The following ZNF512 variants were observed in gnomAD, a reference collection of about 807,000 sequenced individuals.
The protein encoded by ZNF512 is zinc finger protein 512.
In ZNF512, 25 loss-of-function variants were observed where a neutral mutation model predicts 77.5. That is an observed-to-expected ratio of 0.32 (90% CI 0.23 to 0.45). The LOEUF (loss-of-function observed/expected upper bound fraction) is 0.45. Ranked by LOEUF, ZNF512 falls within the 20% of genes least tolerant of loss-of-function variation. The probability of loss-of-function intolerance (pLI) is 1.00; values close to 1 mark genes in which losing one functional copy is unlikely to be tolerated. For synonymous variants in ZNF512, 246 were observed against 239.9 expected (o/e 1.03, Z -0.24); for missense variants, 483 against 692.6 (o/e 0.70, Z 3.40).
intron 2 of ZNF512, among the ~76,000 whole-genome samples, chr2:27,597,305 A>G (rs964795364): frequency 1.3e-5 from 2 of 152,230 alleles, no homozygotes; most frequent in Admixed American, 6.5e-5. Flanking sequence ...TGAACCATAA[A>G]TCTAAAGTAG....
intron 9 of ZNF512, among the ~76,000 whole-genome samples, chr2:27,604,116 G>A (rs767982365): frequency 4.6e-5 from 7 of 151,730 alleles, no homozygotes; most frequent in Non-Finnish European, 7.4e-5. Flanking sequence ...TATTAGAGAC[G>A]GGGTTTCACC....
intron 3 of ZNF512, among the ~76,000 whole-genome samples, chr2:27,598,624 G>A (rs1671976888): frequency 7.0e-6 from 1 of 142,542 alleles, no homozygotes; most frequent in African/African-American, 2.6e-5. Context: ...GCGAGACTCC[G>A]TCTCAAAAAA....
chr2:27,614,632 C>T (rs1672803368), intron 10 of ZNF512, among the ~76,000 whole-genome samples: 1 of 149,676 alleles, frequency 6.7e-6, no homozygotes, highest in Non-Finnish European at 1.5e-5. Flanking sequence ...GAGCCGAGAT[C>T]GTGCCACTGC....
In ZNF512 at chr2:27,621,251, C is replaced by T. The variant is rs1188736414; in HGVS notation, c.1494C>T (p.His498=). The T allele has an allele frequency of 6.2e-7, 1 of 1,614,182 alleles. No individual in the cohort carries two copies. The highest frequency in any genetic ancestry group is 1.3e-5 in the African/African-American group (1 of 75,036). The part of the protein sequence containing the change: ...QQEEEKRRQQ[H]RSRRSLRRRQ... ...AAGAAGAAAAGCGGAGGCAGCAGCA[C>T]AGGAGCAGAAGGTCTCTAAGAAGGC... is the stretch of plus-strand genomic sequence containing the variant. The change falls in exon 14 of 14, where the codon CAC becomes CAT. Residue 498 remains histidine, a synonymous_variant. Transcript: ENST00000355467.
chr2:27,610,526 GTGTA>G (rs1672579766), intron 10 of ZNF512, among the ~76,000 whole-genome samples: 1 of 107,860 alleles, frequency 9.3e-6, no homozygotes, highest in Non-Finnish European at 1.7e-5. Flanking sequence ...GTATATGTGT[GTGTA>G]TATATATGTG....
At chr2:27,584,837 TA>T (rs1449318077) in intron 2 of ZNF512, among the ~76,000 whole-genome samples, 4 of 152,126 alleles carry the variant, frequency 2.6e-5, no homozygotes, top group Non-Finnish European at 4.4e-5. Context: ...GAGAGGTTAG[TA>T]GGGGCTAGAC....
At position 27,583,385 on chromosome 2, in the gene ZNF512, T is replaced by C. The variant is rs1246701554; in HGVS notation, c.30+243T>C. 5 of 1,391,330 alleles carry C rather than the reference T, an allele frequency of 3.6e-6. No homozygotes were observed. In the East Asian group the frequency reaches 1.0e-4, roughly 28 times the overall value. The allele number at this position is 1,391,330 out of a possible 1,614,324, so 86.2% of individuals were successfully genotyped here. A position where few individuals can be genotyped will look rare whatever the true frequency, so the allele number is the denominator to read the frequency against. Reference sequence around the variant, plus strand: ...TTCTATTCCTTTTACATCCCCAATGTCTCTCATATCCGTTGTCTTTTCTTT... The same window carrying C: ...TTCTATTCCTTTTACATCCCCAATGCCTCTCATATCCGTTGTCTTTTCTTT... On this transcript the variant is annotated intron_variant, in intron 1 of 13. Transcript: ENST00000355467.
At chr2:27,613,414 T>C (rs1283213222) in intron 10 of ZNF512, among the ~76,000 whole-genome samples, 2 of 151,602 alleles carry the variant, frequency 1.3e-5, no homozygotes, top group Non-Finnish European at 2.9e-5. Context: ...GAGAATAGCT[T>C]GAACCTGGAA....
chr2:27,595,181 C>A (rs573545293), intron 2 of ZNF512, among the ~76,000 whole-genome samples: 29 of 152,076 alleles, frequency 1.9e-4, no homozygotes, highest in Non-Finnish European at 3.1e-4. Flanking sequence ...TAGTATCTTT[C>A]GCCTCTCCCT....
chr2:27,590,130 A>G (rs992374332), intron 2 of ZNF512, among the ~76,000 whole-genome samples: 1 of 152,208 alleles, frequency 6.6e-6, no homozygotes, highest in African/African-American at 2.4e-5. Flanking sequence ...ATCTAGTTCT[A>G]TCAGTTGCTG....
intron 2 of ZNF512, among the ~76,000 whole-genome samples, chr2:27,587,963 A>G (rs1198820857): frequency 6.6e-6 from 1 of 150,888 alleles, no homozygotes; most frequent in Admixed American, 6.6e-5. Context: ...TAACGGTGTG[A>G]GCCACCGCGC....
intron 13 of ZNF512, among the ~76,000 whole-genome samples, chr2:27,620,805 G>C (rs1274864713): frequency 1.3e-5 from 2 of 152,114 alleles, no homozygotes; most frequent in Non-Finnish European, 1.5e-5. Flanking sequence ...TATGCTCTTA[G>C]TTACGATGCC....
In ZNF512 at chr2:27,622,864, C is replaced by G. The variant is rs2148053202; in HGVS notation, c.*1403C>G. ...TGTGGGCTTTTGTGAAGACCACTTT[C>G]AAACAAGGGAGCACTGAAACCTGAA... On this transcript the variant is annotated 3_prime_UTR_variant, in exon 14 of 14. Transcript: ENST00000355467. The G allele has an allele frequency of 6.5e-6, 1 of 152,918 alleles. No individual in the cohort carries two copies. Among genetic ancestry groups the G allele is most frequent in the Non-Finnish European group, 1.5e-5 (1 of 68,044 alleles). The allele number at this position is 152,918 out of a possible 1,614,324, so 9.5% of individuals were successfully genotyped here.
intron 13 of ZNF512, among the ~76,000 whole-genome samples, chr2:27,619,241 C>T (rs1673021930): frequency 6.6e-6 from 1 of 152,094 alleles, no homozygotes; most frequent in Non-Finnish European, 1.5e-5. Flanking sequence ...GAAACCCCAT[C>T]TCTACTAAAA....
chr2:27,593,391 CAAAAAAAA>C (rs572251742), intron 2 of ZNF512, among the ~76,000 whole-genome samples: 89 of 76,760 alleles, frequency 1.2e-3, no homozygotes, highest in African/African-American at 3.2e-3. Flanking sequence ...GACCTTGTCT[CAAAAAAAA>C]AAAAAAAAAA....
intron 10 of ZNF512, among the ~76,000 whole-genome samples, chr2:27,608,295 T>A (rs1226587084): frequency 2.0e-5 from 3 of 152,170 alleles, no homozygotes; most frequent in East Asian, 3.8e-4. Context: ...ATTCTTAGAT[T>A]AGATATTTGT....
rs1384625075 is a variant in ZNF512, at chr2:27,612,262, TTTTTTAC to T, written c.1132-2902_1132-2896del. Among the ~76,000 whole-genome samples, 5 of 152,270 alleles carry T rather than the reference TTTTTTAC, an allele frequency of 3.3e-5. No homozygotes were observed. The South Asian group carries it at 6.2e-4, about 19-fold the overall frequency. On this transcript the variant is annotated intron_variant, in intron 10 of 13. Coordinates refer to ENST00000355467, the MANE Select transcript of ZNF512 (RefSeq NM_032434.4). ...CATCCCCTATCCTTTTTTGAGAAGATTTTTTACTTTATGACATGATAAGACAGGCCGT... is the reference window on the plus strand; with the variant it reads ...CATCCCCTATCCTTTTTTGAGAAGATTTTATGACATGATAAGACAGGCCGT...
At chr2:27,591,469 A>G (rs1671576394) in intron 2 of ZNF512, among the ~76,000 whole-genome samples, 1 of 152,136 alleles carries the variant, frequency 6.6e-6, no homozygotes, top group African/African-American at 2.4e-5. Context: ...AGGCTGGAGC[A>G]CAGTGGTGTA....
intron 9 of ZNF512, among the ~76,000 whole-genome samples, chr2:27,607,439 C>T (rs563951311): frequency 1.3e-5 from 2 of 151,950 alleles, no homozygotes; most frequent in South Asian, 4.2e-4. Flanking sequence ...GCAATCTTCA[C>T]TCACTGCAGC....
Sources: allele counts gnomAD v4.1 joint callset (sites outside exome capture counted in the v4.1 genomes callset), GRCh38; gene constraint gnomAD v4.1.1; transcripts MANE v1.5; gene names NCBI Gene and HGNC (gene_info 2026-07-23, HGNC 2026-07-21).